The following NPLOC4 variants were observed in gnomAD, a reference collection of about 807,000 sequenced individuals.
The protein encoded by NPLOC4 is NPL4 homolog, ubiquitin recognition factor.
Under a neutral mutation model 80.6 loss-of-function variants are expected in NPLOC4, and 18 were observed. The ratio of observed to expected loss-of-function variants is 0.22; its 90% confidence interval spans 0.15 to 0.33. The LOEUF is 0.33. Among genes scored for constraint, NPLOC4 ranks in the 10% least tolerant of loss-of-function variants. NPLOC4 has a pLI of 1.00. For synonymous variants in NPLOC4, 313 were observed against 301.5 expected (o/e 1.04, Z -0.39); for missense variants, 540 against 786.1 (o/e 0.69, Z 3.74).
chr17:81,613,609 T>A, intron 3 of NPLOC4, 115 bp from the exon 4 acceptor site: 1 of 884,376 alleles, frequency 1.1e-6, no homozygotes, highest in African/African-American at 1.7e-5. Context: ...GCCTAAACAA[T>A]GAGGTTTCTA....
intron 12 of NPLOC4, among the ~76,000 whole-genome samples, chr17:81,587,151 G>A (rs563897542): frequency 1.3e-5 from 2 of 152,286 alleles, no homozygotes; most frequent in South Asian, 4.1e-4. Flanking sequence ...AAATAAGCAG[G>A]TGATATGAGT....
In NPLOC4 at chr17:81,613,505, G is replaced by C; in HGVS notation, c.210-11C>G. Reference sequence around the variant, plus strand: ...AACAAATCGCCATGCCTGTTCAAATGATAAACAGAGGCTGATGCCTTCCCT... The same window carrying C: ...AACAAATCGCCATGCCTGTTCAAATCATAAACAGAGGCTGATGCCTTCCCT... On this transcript the variant is annotated splice_polypyrimidine_tract_variant and intron_variant, in intron 3 of 16. Transcript: ENST00000331134. 6.2e-7 allele frequency: 1 copy of C among 1,608,532 alleles called. No homozygotes were observed. The highest frequency in any genetic ancestry group is 8.5e-7 in the Non-Finnish European group (1 of 1,177,628).
At position 81,630,290 on chromosome 17, in the gene NPLOC4, C is replaced by CT. The variant is rs202138659; in HGVS notation, c.16-486dup. Reference sequence around the variant, plus strand: ...ATCACAGGAAATTTTCTAATTGTTACTTTTTTTTTGCTTTTTTGAGACAGG... The same window carrying CT: ...ATCACAGGAAATTTTCTAATTGTTACTTTTTTTTTTGCTTTTTTGAGACAGG... On this transcript the variant is annotated intron_variant, in intron 1 of 16. Transcript: ENST00000331134. Among the ~76,000 whole-genome samples, 599 of 150,348 alleles carry CT rather than the reference C, an allele frequency of 4.0e-3. 2 individuals are homozygous for CT. The highest frequency in any genetic ancestry group is 8.9e-3 in the South Asian group (42 of 4,714).
At chr17:81,602,069 C>T (rs949115759) in intron 8 of NPLOC4, among the ~76,000 whole-genome samples, 5 of 151,988 alleles carry the variant, frequency 3.3e-5, no homozygotes, top group African/African-American at 9.7e-5. Context: ...TATGAATGTG[C>T]GTGCATGCAT....
chr17:81,616,182 G>T (rs1454506305), intron 3 of NPLOC4, among the ~76,000 whole-genome samples: 3 of 151,726 alleles, frequency 2.0e-5, no homozygotes, highest in Non-Finnish European at 4.4e-5. Context: ...TTAGCCGGGG[G>T]TGGTGGCGGG....
At chr17:81,581,348 CAAAAAA>C (rs1169351301) in intron 12 of NPLOC4, among the ~76,000 whole-genome samples, 17 of 8,478 alleles carry the variant, frequency 2.0e-3, no homozygotes, top group South Asian at 0.016. Flanking sequence ...GACTCCAACG[CAAAAAA>C]AAAAAAAAAA....
At chr17:81,618,185 C>T (rs1333906236) in intron 3 of NPLOC4, among the ~76,000 whole-genome samples, 7 of 149,880 alleles carry the variant, frequency 4.7e-5, no homozygotes, top group South Asian at 2.1e-4. Flanking sequence ...CGTCTCTGCC[C>T]GGCCGCCATC....
intron 9 of NPLOC4, among the ~76,000 whole-genome samples, chr17:81,598,708 C>T (rs576640721): frequency 2.6e-5 from 4 of 152,196 alleles, no homozygotes; most frequent in South Asian, 2.1e-4. Flanking sequence ...ACCAGAAGCC[C>T]GTCACGAGGC....
At chr17:81,614,112 T>C (rs939270568) in intron 3 of NPLOC4, among the ~76,000 whole-genome samples, 1 of 151,378 alleles carries the variant, frequency 6.6e-6, no homozygotes, top group Non-Finnish European at 1.5e-5. Flanking sequence ...TCGTCTCTAT[T>C]AAAAATACAA....
At chr17:81,618,546 G>C (rs796515159) in intron 3 of NPLOC4, among the ~76,000 whole-genome samples, 202 of 76,490 alleles carry the variant, frequency 2.6e-3, no homozygotes, top group East Asian at 0.016. Flanking sequence ...AGGGGTCAGT[G>C]CCCCCGCCCG....
chr17:81,581,990 T>C (rs1345813239), intron 12 of NPLOC4, among the ~76,000 whole-genome samples: 1 of 152,178 alleles, frequency 6.6e-6, no homozygotes, highest in Non-Finnish European at 1.5e-5. Context: ...CATGCTTCCA[T>C]GGTGGACCCA....
At chr17:81,610,131 C>CTCAG in intron 5 of NPLOC4, 79 bp downstream of exon 5, 1 of 1,351,174 alleles carries the variant, frequency 7.4e-7, no homozygotes, top group Non-Finnish European at 1.0e-6. Context: ...AGTGCGTGGA[C>CTCAG]TCAGGGCAAG....
chr17:81,558,007 TC>T lies in NPLOC4; in HGVS notation c.*1251del, dbSNP rs1220174934. The T allele has an allele frequency of 2.0e-5, 3 of 152,434 alleles. No homozygotes were observed. Among genetic ancestry groups the T allele is most frequent in the Non-Finnish European group, 4.4e-5 (3 of 68,162 alleles). The allele number at this position is 152,434 out of a possible 1,614,324, so 9.4% of individuals were successfully genotyped here. On this transcript the variant is annotated 3_prime_UTR_variant, in exon 17 of 17. Coordinates refer to ENST00000331134, the MANE Select transcript of NPLOC4 (RefSeq NM_017921.4). Reference sequence around the variant, plus strand: ...AGCAGTCTGCAGCTGGGCCAGCCTCTCCCGTGGGTGCAGAGCAGCCCAGATG... The same window carrying T: ...AGCAGTCTGCAGCTGGGCCAGCCTCTCCGTGGGTGCAGAGCAGCCCAGATG...
At chr17:81,609,803 G>A (rs1188261924) in intron 5 of NPLOC4, among the ~76,000 whole-genome samples, 4 of 152,168 alleles carry the variant, frequency 2.6e-5, no homozygotes, top group Non-Finnish European at 4.4e-5. Flanking sequence ...AGTTCCAGTC[G>A]GCATTATTAC....
intron 2 of NPLOC4, 27 bp downstream of exon 2, chr17:81,629,698 G>A (rs1201272354): frequency 6.5e-7 from 1 of 1,533,162 alleles, no homozygotes; most frequent in East Asian, 2.3e-5. Flanking sequence ...AAAATATCCT[G>A]AGGGTCAATA....
Position 81,565,690 on chromosome 17 carries a change from A to G in NPLOC4, c.1567-83T>C, listed in dbSNP as rs2033990108. The G allele has an allele frequency of 1.0e-5, 10 of 997,318 alleles. No individual in the cohort carries two copies. In the South Asian group the frequency reaches 1.6e-4, roughly 16 times the overall value. 61.8% of individuals were successfully genotyped at this position (997,318 alleles called of 1,614,324 possible). ...GCTAGAACAGGTTTCTTTCTCCCCA[A>G]CATCAAGACGTATTTCTGAGGACAT... is the stretch of plus-strand genomic sequence containing the variant. On this transcript the variant is annotated intron_variant, in intron 15 of 16. Transcript: ENST00000331134.
At chr17:81,598,733 T>C (rs1449857219) in intron 9 of NPLOC4, among the ~76,000 whole-genome samples, 1 of 152,130 alleles carries the variant, frequency 6.6e-6, no homozygotes, top group Admixed American at 6.5e-5. Context: ...GGAGCAGCAG[T>C]TGAGTCCCGG....
In NPLOC4 at chr17:81,622,313, A is replaced by G. The variant is rs765526513; in HGVS notation, c.97-35T>C. ...GGCCCAAAGAACAGAAATTTAATGA[A>G]ATGCTAAAGTATCACTACACATACC... On this transcript the variant is annotated intron_variant, in intron 2 of 16. Coordinates refer to ENST00000331134, the MANE Select transcript of NPLOC4 (RefSeq NM_017921.4). The G allele has an allele frequency of 1.6e-5, 23 of 1,456,830 alleles. No individual in the cohort carries two copies. The Admixed American group carries it at 3.5e-4, about 22-fold the overall frequency. 90.2% of individuals were successfully genotyped at this position (1,456,830 alleles called of 1,614,324 possible).
In NPLOC4 at chr17:81,557,032, G is replaced by C. The variant is rs1002651319; in HGVS notation, c.*2227C>G. On this transcript the variant is annotated 3_prime_UTR_variant, in exon 17 of 17. Transcript: ENST00000331134. ...AGGAGCAGCTGGTTGGAGGGAGCCAGGGCCAGGCCCCACCTCCTCTCGGGA... is the reference window on the plus strand; with the variant it reads ...AGGAGCAGCTGGTTGGAGGGAGCCACGGCCAGGCCCCACCTCCTCTCGGGA... The C allele has an allele frequency of 1.3e-5, 2 of 152,446 alleles. No homozygotes were observed. The highest frequency in any genetic ancestry group is 4.8e-5 in the African/African-American group (2 of 41,466). The allele number at this position is 152,446 out of a possible 1,614,324, so 9.4% of individuals were successfully genotyped here. A position where few individuals can be genotyped will look rare whatever the true frequency, so the allele number is the denominator to read the frequency against.
Sources: allele counts gnomAD v4.1 joint callset (sites outside exome capture counted in the v4.1 genomes callset), GRCh38; gene constraint gnomAD v4.1.1; transcripts MANE v1.5; gene names NCBI Gene and HGNC (gene_info 2026-07-23, HGNC 2026-07-21).